Variants in VPS41 observed in about 807,000 individuals in gnomAD.
VPS41 encodes the protein vacuolar protein sorting-associated protein 41 homolog.
VPS41 carries 85 observed loss-of-function variants against 130.9 expected under a neutral mutation model. The observed-to-expected ratio is 0.65, with a 90% CI of 0.55 to 0.78. The LOEUF (loss-of-function observed/expected upper bound fraction) is 0.78. VPS41 is among the 30% of genes least tolerant of loss of function. The pLI is 0.00. For missense variants in VPS41, 874 were observed against 1,018.7 expected, an observed-to-expected ratio of 0.86 and a Z score of 1.93; for synonymous variants, 335 against 332.9, an observed-to-expected ratio of 1.01 and a Z score of -0.07.
intron 4 of VPS41, among the ~76,000 whole-genome samples, chr7:38,840,584 T>C (rs1785589562): frequency 6.6e-6 from 1 of 152,190 alleles, no homozygotes; most frequent in African/African-American, 2.4e-5. Flanking sequence ...GGATATGTTA[T>C]AAATGTTAAG....
intron 25 of VPS41, among the ~76,000 whole-genome samples, chr7:38,737,670 A>C (rs1795795748): frequency 6.6e-6 from 1 of 152,172 alleles, no homozygotes; most frequent in Non-Finnish European, 1.5e-5. Context: ...TGCCAAGTGT[A>C]AAAGGATACA....
chr7:38,883,339 A>G (rs913634479), intron 2 of VPS41, among the ~76,000 whole-genome samples: 1 of 152,150 alleles, frequency 6.6e-6, no homozygotes, highest in Non-Finnish European at 1.5e-5. Context: ...ACCATTTCCC[A>G]CCACTCTGCT....
intron 2 of VPS41, among the ~76,000 whole-genome samples, chr7:38,888,858 C>A (rs1223945099): frequency 6.6e-6 from 1 of 151,034 alleles, no homozygotes; most frequent in African/African-American, 2.4e-5. Context: ...AATTAGAACT[C>A]AGGATTAAGA....
chr7:38,774,252 G>A lies in VPS41; in HGVS notation c.883-8C>T. On this transcript the variant is annotated splice_region_variant and splice_polypyrimidine_tract_variant and intron_variant, in intron 11 of 28. Coordinates refer to ENST00000310301, the MANE Select transcript of VPS41 (RefSeq NM_014396.4). ...GGCACAGTATTCTCTTTCCTAGTGG[G>A]GGAAAAGAGAGAAACATTAATTTAA... The A allele has an allele frequency of 6.4e-7, 1 of 1,556,864 alleles. No homozygotes were observed. The highest frequency in any genetic ancestry group is 8.7e-7 in the Non-Finnish European group (1 of 1,149,732).
At chr7:38,782,650 G>A (rs951394966) in intron 10 of VPS41, among the ~76,000 whole-genome samples, 1 of 152,124 alleles carries the variant, frequency 6.6e-6, no homozygotes, top group African/African-American at 2.4e-5. Flanking sequence ...CATTGCCCAG[G>A]GCAATGGGGT....
At chr7:38,876,409 G>A (rs960161152) in intron 2 of VPS41, among the ~76,000 whole-genome samples, 3 of 152,042 alleles carry the variant, frequency 2.0e-5, no homozygotes, top group Non-Finnish European at 4.4e-5. Flanking sequence ...CATATATGGG[G>A]GGAAGATGAG....
intron 9 of VPS41, among the ~76,000 whole-genome samples, chr7:38,793,043 C>G (rs1181487060): frequency 6.6e-6 from 1 of 152,184 alleles, no homozygotes; most frequent in Non-Finnish European, 1.5e-5. Context: ...ATTGGACAGG[C>G]CATCCCTGGA....
chr7:38,795,265 T>C (rs898244425), intron 9 of VPS41, among the ~76,000 whole-genome samples, 200 bp downstream of exon 9: 2 of 152,126 alleles, frequency 1.3e-5, no homozygotes, highest in Non-Finnish European at 2.9e-5. Context: ...ACAAATAGTT[T>C]TACATGCCAT....
chr7:38,846,449 G>A (rs552938650), intron 4 of VPS41, among the ~76,000 whole-genome samples: 33 of 152,292 alleles, frequency 2.2e-4, no homozygotes, highest in Middle Eastern at 3.4e-3. Flanking sequence ...ATTTGCGTAC[G>A]CAAAGACAAG....
intron 2 of VPS41, among the ~76,000 whole-genome samples, chr7:38,890,812 A>G (rs985312876): frequency 2.0e-5 from 3 of 151,870 alleles, no homozygotes; most frequent in Admixed American, 6.6e-5. Context: ...CAGCCTCCCA[A>G]GTAACCATGT....
In VPS41 at chr7:38,768,523, A is replaced by G. The variant is rs542734025; in HGVS notation, c.1186-925T>C. On this transcript the variant is annotated intron_variant, in intron 14 of 28. Coordinates refer to ENST00000310301, the MANE Select transcript of VPS41 (RefSeq NM_014396.4). ...TAGGACTAATGTACAGGACATGCCC[A>G]TTTCAAGAGTGAAGCAAAATACCCA... 2.0e-3 allele frequency among the ~76,000 whole-genome samples: 308 copies of G among 152,336 alleles called. 1 individual carries two copies. The highest frequency in any genetic ancestry group is 7.3e-3 in the African/African-American group (305 of 41,596).
At chr7:38,876,374 A>C (rs1290658934) in intron 2 of VPS41, among the ~76,000 whole-genome samples, 1 of 152,222 alleles carries the variant, frequency 6.6e-6, no homozygotes, top group Non-Finnish European at 1.5e-5. Flanking sequence ...TGTATGATCC[A>C]AATTTTATTT....
chr7:38,829,916 T>C (rs1014550065), intron 5 of VPS41, among the ~76,000 whole-genome samples: 4 of 152,230 alleles, frequency 2.6e-5, no homozygotes, highest in South Asian at 2.1e-4. Flanking sequence ...TGTGGATTTA[T>C]GGCAGAAAGA....
At chr7:38,901,154 T>A (rs965908767) in intron 1 of VPS41, among the ~76,000 whole-genome samples, 3 of 152,348 alleles carry the variant, frequency 2.0e-5, no homozygotes, top group Non-Finnish European at 4.4e-5. Context: ...ATTGCATGAT[T>A]CCACTTATAT....
intron 2 of VPS41, among the ~76,000 whole-genome samples, chr7:38,886,277 G>C (rs1051688004): frequency 6.6e-6 from 1 of 152,162 alleles, no homozygotes; most frequent in Admixed American, 6.5e-5. Context: ...GTACCTGGAG[G>C]AACGGTATAC....
intron 5 of VPS41, among the ~76,000 whole-genome samples, chr7:38,823,070 G>C (rs1039774024): frequency 2.6e-5 from 4 of 152,158 alleles, no homozygotes; most frequent in Non-Finnish European, 4.4e-5. Flanking sequence ...GAATGTATGT[G>C]TTCTCCCCAA....
chr7:38,847,244 A>C (rs1785746007), intron 4 of VPS41, among the ~76,000 whole-genome samples: 1 of 152,114 alleles, frequency 6.6e-6, no homozygotes, highest in Admixed American at 6.5e-5. Context: ...TTTAAATGAT[A>C]ATTTAGCCTA....
intron 4 of VPS41, among the ~76,000 whole-genome samples, chr7:38,848,530 C>T (rs188981838): frequency 6.6e-5 from 10 of 152,282 alleles, no homozygotes; most frequent in Admixed American, 2.6e-4. Flanking sequence ...TAAACATGTT[C>T]AGTTGGACTC....
intron 3 of VPS41, 60 bp from the exon 4 acceptor site, chr7:38,862,682 T>TA (rs1786143619): frequency 3.8e-6 from 4 of 1,051,206 alleles, no homozygotes; most frequent in Admixed American, 4.2e-5. Context: ...ACACAAGTAG[T>TA]AACAAAACCA....
Sources: allele counts gnomAD v4.1 joint callset (sites outside exome capture counted in the v4.1 genomes callset), GRCh38; gene constraint gnomAD v4.1.1; transcripts MANE v1.5; gene names NCBI Gene and HGNC (gene_info 2026-07-23, HGNC 2026-07-21).